The following ADGRV1 variants were observed in gnomAD, a reference collection of about 807,000 sequenced individuals.
ADGRV1 encodes G-protein coupled receptor 98.
A neutral mutation model predicts 596.2 loss-of-function variants in ADGRV1; 359 were observed. The observed-to-expected ratio is 0.60, with a 90% CI of 0.55 to 0.66. ADGRV1 has a LOEUF of 0.66. ADGRV1 is among the 30% of genes least tolerant of loss of function. ADGRV1 has a pLI of 0.00. For missense variants in ADGRV1, 7,274 were observed against 7,575.6 expected (o/e 0.96, Z 1.48); for synonymous variants, 2,681 against 2,679.2 (o/e 1.00, Z -0.02).
intron 87 of ADGRV1, among the ~76,000 whole-genome samples, chr5:91,132,343 A>G (rs1297061391): frequency 6.6e-6 from 1 of 152,224 alleles, no homozygotes; most frequent in Non-Finnish European, 1.5e-5. Flanking sequence ...CCTCATCACT[A>G]ATACATTTAC....
chr5:90,616,226 A>T (rs954291077), intron 2 of ADGRV1, among the ~76,000 whole-genome samples: 3 of 152,068 alleles, frequency 2.0e-5, no homozygotes, highest in African/African-American at 7.2e-5. Context: ...TTGGTACTAA[A>T]TCAAATATTT....
chr5:91,109,386 A>G (rs1792168635), intron 87 of ADGRV1, among the ~76,000 whole-genome samples: 2 of 152,170 alleles, frequency 1.3e-5, no homozygotes, highest in African/African-American at 4.8e-5. Context: ...GATCATGATA[A>G]TTGTGTTTTT....
At chr5:90,995,910 G>A (rs974393604) in intron 85 of ADGRV1, among the ~76,000 whole-genome samples, 2 of 152,122 alleles carry the variant, frequency 1.3e-5, no homozygotes, top group Non-Finnish European at 2.9e-5. Context: ...AGATGATTTA[G>A]GGTACCTTGC....
At chr5:90,744,238 T>C (rs1191804852) in intron 50 of ADGRV1, among the ~76,000 whole-genome samples, 2 of 152,152 alleles carry the variant, frequency 1.3e-5, no homozygotes, top group Non-Finnish European at 2.9e-5. Flanking sequence ...TGCTTTGGCC[T>C]CCCAAAGTGC....
intron 20 of ADGRV1, among the ~76,000 whole-genome samples, chr5:90,656,388 T>A (rs1190115879): frequency 2.6e-5 from 4 of 152,190 alleles, no homozygotes; most frequent in African/African-American, 9.6e-5. Context: ...TCAGTATTCC[T>A]TTTAACATAC....
At chr5:91,096,536 C>G (rs1222903974) in intron 86 of ADGRV1, among the ~76,000 whole-genome samples, 2 of 152,096 alleles carry the variant, frequency 1.3e-5, no homozygotes, top group Non-Finnish European at 2.9e-5. Context: ...TAATTTCTTT[C>G]ACTAAAACCT....
chr5:90,866,009 T>C (rs1768056193), intron 83 of ADGRV1, among the ~76,000 whole-genome samples: 1 of 152,186 alleles, frequency 6.6e-6, no homozygotes. Context: ...AGGCTTGGCC[T>C]GTGGTTCTTT....
intron 78 of ADGRV1, among the ~76,000 whole-genome samples, chr5:90,848,041 T>G (rs1766093130): frequency 6.6e-6 from 1 of 151,928 alleles, no homozygotes; most frequent in African/African-American, 2.4e-5. Flanking sequence ...TCATTTTGGA[T>G]TTTTCCTCCT....
intron 1 of ADGRV1, among the ~76,000 whole-genome samples, chr5:90,587,759 A>G (rs1440528633): frequency 1.3e-5 from 2 of 151,956 alleles, no homozygotes; most frequent in East Asian, 1.9e-4. Flanking sequence ...AGGTTTCACC[A>G]TGTTGGCCAG....
In ADGRV1 at chr5:90,753,642, G is replaced by A; in HGVS notation, c.11190G>A (p.Glu3730=). The change falls in exon 54 of 90, where the codon GAG becomes GAA. Residue 3730 remains glutamate (E), a synonymous_variant. Transcript: ENST00000405460. ...CTATTCTTGCTGATAATATACCAGAGTTATCAGAGGTTGTGATTGTAACCC... is the reference window on the plus strand; with the variant it reads ...CTATTCTTGCTGATAATATACCAGAATTATCAGAGGTTGTGATTGTAACCC... ...TLTILADNIP[E]LSEVVIVTLT... 1 of 1,612,502 alleles carries A rather than the reference G, an allele frequency of 6.2e-7. No homozygotes were observed. Among genetic ancestry groups the A allele is most frequent in the Non-Finnish European group, 8.5e-7 (1 of 1,178,638 alleles).
At chr5:91,076,399 T>G (rs1259886837) in intron 86 of ADGRV1, among the ~76,000 whole-genome samples, 2 of 152,276 alleles carry the variant, frequency 1.3e-5, no homozygotes, top group South Asian at 2.1e-4. Flanking sequence ...AATAAATTAT[T>G]AATTCCTTGA....
chr5:90,982,127 T>G (rs1183973836), intron 84 of ADGRV1, among the ~76,000 whole-genome samples: 1 of 152,184 alleles, frequency 6.6e-6, no homozygotes, highest in African/African-American at 2.4e-5. Context: ...TCACTTGTTC[T>G]TATCCATCTT....
At chr5:91,056,069 G>A (rs970765480) in intron 85 of ADGRV1, among the ~76,000 whole-genome samples, 1 of 152,182 alleles carries the variant, frequency 6.6e-6, no homozygotes, top group South Asian at 2.1e-4. Context: ...CGGTTGGCGA[G>A]AGGTTAGGCG....
chr5:91,056,573 T>G (rs1004253082), intron 85 of ADGRV1, among the ~76,000 whole-genome samples: 3 of 152,156 alleles, frequency 2.0e-5, no homozygotes, highest in Non-Finnish European at 4.4e-5. Context: ...CTTTTTCACC[T>G]TTCCAATTTG....
intron 4 of ADGRV1, 80 bp downstream of exon 4, chr5:90,619,261 G>A: frequency 1.6e-6 from 1 of 618,402 alleles, no homozygotes; most frequent in Non-Finnish European, 2.7e-6. Flanking sequence ...CATGATGTTA[G>A]CTAGTATCAT....
intron 29 of ADGRV1, among the ~76,000 whole-genome samples, chr5:90,688,419 G>A (rs566092905): frequency 6.6e-6 from 1 of 152,294 alleles, no homozygotes; most frequent in African/African-American, 2.4e-5. Flanking sequence ...GTGCAGTGGT[G>A]TGATCTTGGC....
intron 27 of ADGRV1, among the ~76,000 whole-genome samples, chr5:90,683,064 G>A (rs568746177): frequency 1.5e-4 from 23 of 152,114 alleles, no homozygotes; most frequent in Non-Finnish European, 3.4e-4. Flanking sequence ...TTTTATGAGT[G>A]TGCCTGAATG....
intron 87 of ADGRV1, among the ~76,000 whole-genome samples, chr5:91,121,336 T>G (rs1303369476): frequency 6.6e-6 from 1 of 152,184 alleles, no homozygotes; most frequent in Non-Finnish European, 1.5e-5. Context: ...ACTTGTTCCA[T>G]GAATGCACCC....
chr5:91,131,591 C>A (rs1256088194), intron 87 of ADGRV1, among the ~76,000 whole-genome samples: 4 of 152,062 alleles, frequency 2.6e-5, no homozygotes, highest in African/African-American at 9.7e-5. Context: ...GCTGGGATTA[C>A]AGGCATGAGC....
Sources: allele counts gnomAD v4.1 joint callset (sites outside exome capture counted in the v4.1 genomes callset), GRCh38; gene constraint gnomAD v4.1.1; transcripts MANE v1.5; gene names NCBI Gene and HGNC (gene_info 2026-07-23, HGNC 2026-07-21).